The following HYDIN variants were observed in gnomAD, a reference collection of about 807,000 sequenced individuals.
HYDIN encodes axonemal central pair apparatus protein HYDIN.
HYDIN carries 132 observed loss-of-function variants against 403.9 expected under a neutral mutation model. The observed-to-expected ratio is 0.33, with a 90% CI of 0.28 to 0.38. HYDIN has a LOEUF of 0.38. Among genes scored for constraint, HYDIN ranks in the 10% least tolerant of loss-of-function variants. The probability of loss-of-function intolerance (pLI) is 1.00; values close to 1 mark genes in which losing one functional copy is unlikely to be tolerated. For missense variants in HYDIN, 2,827 were observed against 5,009.5 expected, an observed-to-expected ratio of 0.56 and a Z score of 13.15; for synonymous variants, 1,202 against 1,891.7, an observed-to-expected ratio of 0.64 and a Z score of 9.46.
intron 7 of HYDIN, among the ~76,000 whole-genome samples, chr16:71,139,827 T>C (rs2085098919): frequency 6.6e-6 from 1 of 151,716 alleles, no homozygotes; most frequent in South Asian, 2.1e-4. Context: ...AAAGACAGTA[T>C]TTCAAAAGAT....
chr16:71,031,767 G>T lies in HYDIN; in HGVS notation c.2680C>A (p.Arg894=), dbSNP rs762607876. The stretch of plus-strand genomic sequence containing the variant: ...GTTCCGGAAGCCTGAACAGGAATCC[G>T]ATAGGTACTGCTATTTTCAATGTCC... The part of the protein sequence containing the change: ...ILDIENSSTY[R]IPVQASGTGS... The change falls in exon 19 of 86, where the codon CGG becomes AGG. Residue 894 remains arginine (R), a synonymous_variant. Transcript: ENST00000393567. The T allele has an allele frequency of 1.6e-6, 2 of 1,277,970 alleles. No individual in the cohort carries two copies. Among genetic ancestry groups the T allele is most frequent in the Non-Finnish European group, 2.3e-6 (2 of 879,240 alleles). 79.2% of individuals were successfully genotyped at this position (1,277,970 alleles called of 1,614,324 possible).
rs183254818 is a variant in HYDIN, at chr16:70,850,647, A to C, written c.12452T>G (p.Ile4151Ser). ...CTGCTTTGGTGTGAAGAAAATATCA[A>C]TTGGGAACCTGGTTGGGGAACAAAA... The part of the protein sequence containing the change: ...GWIPPLSRFP[I>S]DIFFTPKQEG... Residue 4151 changes from isoleucine to serine, a missense_variant, in exon 74 of 86, where the codon ATT becomes AGT. Ile to Ser is a moderately radical substitution (Grantham distance 142). Coordinates refer to ENST00000393567, the MANE Select transcript of HYDIN (RefSeq NM_001270974.2). 6.8e-6 allele frequency: 11 copies of C among 1,613,646 alleles called. No homozygotes were observed.
At chr16:70,837,053 C>A (rs1326218793) in intron 77 of HYDIN, among the ~76,000 whole-genome samples, 1 of 152,218 alleles carries the variant, frequency 6.6e-6, no homozygotes, top group Non-Finnish European at 1.5e-5. Context: ...TTTTAATCTT[C>A]CAAAACCTTC....
chr16:71,043,774 G>C (rs1316522557), intron 18 of HYDIN, among the ~76,000 whole-genome samples: 1 of 151,500 alleles, frequency 6.6e-6, no homozygotes, highest in African/African-American at 2.4e-5. Context: ...GTGGAGCCTG[G>C]TTAAGTATTT....
intron 28 of HYDIN, among the ~76,000 whole-genome samples, chr16:70,981,887 G>C (rs1008005686): frequency 2.6e-5 from 4 of 152,014 alleles, no homozygotes; most frequent in Admixed American, 6.6e-5. Flanking sequence ...CCAGCACTTT[G>C]GGAGGCTGAG....
chr16:71,151,056 T>C (rs549318128), intron 7 of HYDIN, among the ~76,000 whole-genome samples: 1 of 152,258 alleles, frequency 6.6e-6, no homozygotes, highest in Non-Finnish European at 1.5e-5. Context: ...TTGGTGAGGA[T>C]GTGAAGCAAC....
chr16:70,922,212 T>C (rs965539673), intron 45 of HYDIN, among the ~76,000 whole-genome samples: 1 of 152,180 alleles, frequency 6.6e-6, no homozygotes, highest in African/African-American at 2.4e-5. Flanking sequence ...GCAGCAACAC[T>C]GCAGGCTGGC....
rs908101390 is a variant in HYDIN at position 70,805,729 on chromosome 16, C to T, written c.*1851G>A. On this transcript the variant is annotated 3_prime_UTR_variant, in exon 86 of 86. Transcript: ENST00000393567. Reference sequence around the variant, plus strand: ...TCACTTAACCATTGTGAAAATCTGTCATCTGGTTGTCTTTAGACCTATCAG... The same window carrying T: ...TCACTTAACCATTGTGAAAATCTGTTATCTGGTTGTCTTTAGACCTATCAG... Among the ~76,000 whole-genome samples, 2 of 152,194 alleles carry T rather than the reference C, an allele frequency of 1.3e-5. No individual in the cohort carries two copies. The highest frequency in any genetic ancestry group is 4.8e-5 in the African/African-American group (2 of 41,446).
intron 23 of HYDIN, among the ~76,000 whole-genome samples, chr16:70,998,171 T>A (rs1039646950): frequency 6.6e-6 from 1 of 152,244 alleles, no homozygotes; most frequent in African/African-American, 2.4e-5. Context: ...ATATACAGAT[T>A]GGTTTTATTC....
At chr16:71,069,542 C>T (rs1481085112) in intron 13 of HYDIN, 40 bp from the exon 14 acceptor site, 1 of 1,520,102 alleles carries the variant, frequency 6.6e-7, no homozygotes, top group Non-Finnish European at 9.0e-7. Flanking sequence ...AAAGCCCCCC[C>T]AACACCTCCC....
At chr16:70,938,125 A>G (rs1480195218) in intron 44 of HYDIN, among the ~76,000 whole-genome samples, 1 of 152,222 alleles carries the variant, frequency 6.6e-6, no homozygotes, top group African/African-American at 2.4e-5. Context: ...GATGGGCAGC[A>G]CCGCCCAAGG....
chr16:71,176,358 A>T (rs2086672238), intron 4 of HYDIN, among the ~76,000 whole-genome samples: 1 of 151,806 alleles, frequency 6.6e-6, no homozygotes, highest in African/African-American at 2.4e-5. Context: ...ATCAGCTAAA[A>T]CCTCACCCAC....
chr16:71,187,054 A>G (rs770463274), intron 1 of HYDIN, 136 bp from the exon 2 acceptor site: 3 of 574,486 alleles, frequency 5.2e-6, no homozygotes, highest in Non-Finnish European at 6.1e-6. Flanking sequence ...CTTGGAACAA[A>G]TATCTCAACA....
rs749290968 is a variant in HYDIN, at chr16:70,862,273, G to A, written c.11570-18C>T. 7 of 1,582,490 alleles carry A rather than the reference G, an allele frequency of 4.4e-6. No homozygotes were observed. Among genetic ancestry groups the A allele is most frequent in the Non-Finnish European group, 2.6e-6 (3 of 1,158,956 alleles). On this transcript the variant is annotated intron_variant, in intron 68 of 85. Transcript: ENST00000393567. Reference sequence around the variant, plus strand: ...AGCTGAACCTGGGGACAGACAGGGAGTGGGTGATATTCTGCATTTGCAGTG... The same window carrying A: ...AGCTGAACCTGGGGACAGACAGGGAATGGGTGATATTCTGCATTTGCAGTG...
intron 21 of HYDIN, among the ~76,000 whole-genome samples, chr16:71,021,458 A>G (rs1050673628): frequency 4.6e-5 from 7 of 151,444 alleles, no homozygotes; most frequent in Non-Finnish European, 1.0e-4. Flanking sequence ...CTCATGATCC[A>G]CCCGCCTCAG....
rs1017211646 is a variant in HYDIN, at chr16:71,067,338, T to C, written c.2027A>G (p.Asp676Gly). Reference protein sequence around the residue: ...VQKYELALVVDVEGIGEEVLA... With the variant: ...VQKYELALVVGVEGIGEEVLA... The stretch of plus-strand genomic sequence containing the variant: ...CACCTCTTCTCCGATGCCCTCCACG[T>C]CCACCACGAGTGCCAGCTCGTATTT... The change falls in exon 15 of 86, where the codon GAC becomes GGC. Residue 676 changes from aspartate (D) to glycine (G), a missense_variant. Physicochemically the swap from Asp to Gly is moderately conservative, Grantham distance 94 (BLOSUM62 -1). Transcript: ENST00000393567. 1.9e-6 allele frequency: 3 copies of C among 1,613,316 alleles called. No individual in the cohort carries two copies. The highest frequency in any genetic ancestry group is 1.3e-5 in the African/African-American group (1 of 74,812).
intron 23 of HYDIN, among the ~76,000 whole-genome samples, chr16:71,003,048 C>T (rs373620581): frequency 6.6e-6 from 1 of 152,234 alleles, no homozygotes; most frequent in South Asian, 2.1e-4. Context: ...TAGGCCATCC[C>T]TTCTCCTTTA....
At chr16:71,056,114 C>G (rs550698210) in intron 18 of HYDIN, among the ~76,000 whole-genome samples, 1 of 148,672 alleles carries the variant, frequency 6.7e-6, no homozygotes, top group Non-Finnish European at 1.5e-5. Context: ...TCCGTTCCCA[C>G]ATTCTGAGAT....
chr16:71,165,077 G>A (rs902261900), intron 5 of HYDIN, among the ~76,000 whole-genome samples: 1 of 151,456 alleles, frequency 6.6e-6, no homozygotes, highest in African/African-American at 2.4e-5. Context: ...TATTTCAACC[G>A]TTGCTCTCCT....
Sources: gnomAD v4.1 joint callset for allele counts (sites outside exome capture counted in the v4.1 genomes callset) on GRCh38, gnomAD v4.1.1 for gene constraint, MANE v1.5 for transcripts, NCBI Gene and HGNC (gene_info 2026-07-23, HGNC 2026-07-21) for gene names.